The following KCNIP1 variants were observed in gnomAD, a reference collection of about 807,000 sequenced individuals.
KCNIP1 encodes the protein potassium voltage-gated channel interacting protein 1, also known as A-type potassium channel modulatory protein KCNIP1.
In KCNIP1, 18 loss-of-function variants were observed where a neutral mutation model predicts 33.0. The observed-to-expected ratio is 0.55, with a 90% CI of 0.38 to 0.81. The LOEUF (loss-of-function observed/expected upper bound fraction) is 0.81. Among genes scored for constraint, KCNIP1 ranks in the 30% least tolerant of loss-of-function variants. The pLI, the probability that KCNIP1 is intolerant of heterozygous loss-of-function variation, is 0.00. For missense variants in KCNIP1, 238 were observed against 271.6 expected (o/e 0.88, Z 0.87); for synonymous variants, 93 against 98.3 (o/e 0.95, Z 0.32).
At chr5:170,363,221 G>A (rs1763563323) in intron 1 of KCNIP1, among the ~76,000 whole-genome samples, 1 of 152,224 alleles carries the variant, frequency 6.6e-6, no homozygotes, top group East Asian at 1.9e-4. Context: ...AAGGTCATGT[G>A]CAAACACTAA....
chr5:170,481,817 G>A (rs918059473), intron 1 of KCNIP1, among the ~76,000 whole-genome samples: 3 of 152,100 alleles, frequency 2.0e-5, no homozygotes, highest in South Asian at 2.1e-4. Flanking sequence ...TATAGCAATC[G>A]CTCTTTATAG....
At position 170,494,545 on chromosome 5, in the gene KCNIP1, C is replaced by T. The variant is rs138752904; in HGVS notation, c.88+140581C>T. Among the ~76,000 whole-genome samples, 381 of 152,270 alleles carry T rather than the reference C, an allele frequency of 2.5e-3. 2 individuals carry two copies. Among genetic ancestry groups the T allele is most frequent in the African/African-American group, 7.4e-3 (309 of 41,544 alleles). ...GGGGGCCCAGGTAATAATTGCTACA[C>T]GAATGCCACGGCTCTTGGAACTGCT... On this transcript the variant is annotated intron_variant, in intron 1 of 7. Coordinates refer to the KCNIP1 transcript ENST00000377360.
intron 1 of KCNIP1, among the ~76,000 whole-genome samples, chr5:170,646,353 G>T (rs1221483048): frequency 1.3e-5 from 2 of 152,278 alleles, no homozygotes; most frequent in East Asian, 3.9e-4. Flanking sequence ...CAAAGTATTT[G>T]CAAATTGAGT....
At chr5:170,638,180 TCAA>T (rs1760373445) in intron 1 of KCNIP1, among the ~76,000 whole-genome samples, 1 of 151,976 alleles carries the variant, frequency 6.6e-6, no homozygotes, top group African/African-American at 2.4e-5. Flanking sequence ...AGCCCAAGCC[TCAA>T]CAGCCTGCTC....
chr5:170,435,017 C>T (rs1157655167), intron 1 of KCNIP1, among the ~76,000 whole-genome samples: 1 of 152,200 alleles, frequency 6.6e-6, no homozygotes, highest in African/African-American at 2.4e-5. Flanking sequence ...AGCTGCCAGC[C>T]CACGGCCTTG....
At chr5:170,722,854 T>C in intron 5 of KCNIP1, 34 bp downstream of exon 5, 2 of 1,379,750 alleles carry the variant, frequency 1.4e-6, no homozygotes, top group South Asian at 1.2e-5. Flanking sequence ...GTGAGAGGGC[T>C]CCAGTGAAGG....
intron 1 of KCNIP1, among the ~76,000 whole-genome samples, chr5:170,605,654 TATTTCATTTAA>T (rs1260216415): frequency 6.6e-6 from 1 of 152,174 alleles, no homozygotes; most frequent in Non-Finnish European, 1.5e-5. Context: ...CTATTCTGGA[TATTTCATTTAA>T]AGGCATCGTG....
At chr5:170,573,987 TA>T (rs1289623604) in intron 1 of KCNIP1, among the ~76,000 whole-genome samples, 1 of 152,236 alleles carries the variant, frequency 6.6e-6, no homozygotes, top group African/African-American at 2.4e-5. Flanking sequence ...ATTTTCCTGC[TA>T]AATAGAGAAA....
At chr5:170,478,940 G>A (rs1421446771) in intron 1 of KCNIP1, among the ~76,000 whole-genome samples, 1 of 152,096 alleles carries the variant, frequency 6.6e-6, no homozygotes, top group East Asian at 1.9e-4. Flanking sequence ...ATATTTGCAG[G>A]GCATTTGCTC....
chr5:170,396,626 G>A (rs1202957305), intron 1 of KCNIP1, among the ~76,000 whole-genome samples: 1 of 152,196 alleles, frequency 6.6e-6, no homozygotes, highest in Non-Finnish European at 1.5e-5. Flanking sequence ...AAGATTCAAA[G>A]GTGGATTCAA....
chr5:170,366,630 C>T (rs1271152732), intron 1 of KCNIP1, among the ~76,000 whole-genome samples: 2 of 152,226 alleles, frequency 1.3e-5, no homozygotes, highest in Non-Finnish European at 2.9e-5. Context: ...CAGTGACCAG[C>T]GTGAGACTCC....
chr5:170,495,769 AC>A (rs1458085558), intron 1 of KCNIP1, among the ~76,000 whole-genome samples: 13 of 152,222 alleles, frequency 8.5e-5, no homozygotes, highest in Middle Eastern at 3.2e-3. Context: ...TTGTGTGGTC[AC>A]AGGAAATAAC....
chr5:170,539,644 G>A (rs1052890198), intron 1 of KCNIP1, among the ~76,000 whole-genome samples: 3 of 152,138 alleles, frequency 2.0e-5, no homozygotes, highest in Non-Finnish European at 4.4e-5. Flanking sequence ...ACGTGCTGCT[G>A]GTCTGTTATC....
At chr5:170,597,642 C>G (rs1216132794) in intron 1 of KCNIP1, among the ~76,000 whole-genome samples, 1 of 151,730 alleles carries the variant, frequency 6.6e-6, no homozygotes, top group Non-Finnish European at 1.5e-5. Context: ...AGCAGATTCT[C>G]CTTGTCAGAC....
chr5:170,640,609 C>T (rs926392417), intron 1 of KCNIP1, among the ~76,000 whole-genome samples: 27 of 152,192 alleles, frequency 1.8e-4, no homozygotes, highest in Admixed American at 1.3e-3. Context: ...GTCCATCCCT[C>T]CAAACACACA....
chr5:170,607,223 G>A (rs1037713895), intron 1 of KCNIP1, among the ~76,000 whole-genome samples: 4 of 152,174 alleles, frequency 2.6e-5, no homozygotes, highest in East Asian at 1.9e-4. Flanking sequence ...CTTTCAGCTC[G>A]TTATTTAGCC....
At chr5:170,552,089 C>T (rs149581683) in intron 1 of KCNIP1, among the ~76,000 whole-genome samples, 384 of 148,858 alleles carry the variant, frequency 2.6e-3, no homozygotes, top group Non-Finnish European at 4.2e-3. Flanking sequence ...TCCCCTACTG[C>T]GTAGATCGAG....
chr5:170,502,659 C>T (rs1757437834), upstream of KCNIP1, among the ~76,000 whole-genome samples: 2 of 152,122 alleles, frequency 1.3e-5, no homozygotes, highest in African/African-American at 4.8e-5. Flanking sequence ...GTTTGTGGGA[C>T]TTTCTGGGCA....
rs35046053 is a variant in KCNIP1 at position 170,579,973 on chromosome 5, G to GA, written c.61+75352dup. On this transcript the variant is annotated intron_variant, in intron 1 of 7. Coordinates refer to ENST00000328939, the MANE Select transcript of KCNIP1 (RefSeq NM_014592.4). ...GGGATGAACAGCCCTAAATAGGAAA[G>GA]AAAAAAAAAAAACAAGTTTCTTGCA... Among the ~76,000 whole-genome samples the GA allele has an allele frequency of 2.7e-3, 381 of 141,908 alleles. 3 individuals are homozygous for GA. Among genetic ancestry groups the GA allele is most frequent in the South Asian group, 0.017 (78 of 4,476 alleles). The allele number at this position is 141,908 out of a possible 152,430, so 93.1% of individuals were successfully genotyped here.
Sources: allele counts gnomAD v4.1 joint callset (sites outside exome capture counted in the v4.1 genomes callset), GRCh38; gene constraint gnomAD v4.1.1; transcripts MANE v1.5; gene names NCBI Gene and HGNC (gene_info 2026-07-23, HGNC 2026-07-21).